The following EMC8 variants were observed in gnomAD, a reference collection of about 807,000 sequenced individuals.
EMC8 encodes ER membrane protein complex subunit 8, also known as COX4 neighbor.
Under a neutral mutation model 24.3 loss-of-function variants are expected in EMC8, and 11 were observed. The observed-to-expected ratio is 0.45, with a 90% CI of 0.28 to 0.75. EMC8 has a LOEUF of 0.75. Among genes scored for constraint, EMC8 ranks in the 30% least tolerant of loss-of-function variants. EMC8 has a pLI of 0.12. For synonymous variants in EMC8, 145 were observed against 117.7 expected (o/e 1.23, Z -1.50); for missense variants, 277 against 282.7 (o/e 0.98, Z 0.14).
At position 85,799,303 on chromosome 16, in the gene EMC8, C is replaced by T. The variant is rs761408632; in HGVS notation, c.-8G>A. ...CAGTTTCACCCCGGGCATGCTGACC[C>T]GGGAGGGCCCCGGAGGCCCCTGGGC... is the stretch of plus-strand genomic sequence containing the variant. On this transcript the variant is annotated 5_prime_UTR_variant, in exon 1 of 5. Coordinates refer to ENST00000253457, the MANE Select transcript of EMC8 (RefSeq NM_006067.5). The surrounding 1 kb of genome is among the most constrained non-coding windows in gnomAD (Gnocchi z 4.2). 2 of 1,584,582 alleles carry T rather than the reference C, an allele frequency of 1.3e-6. No individual in the cohort carries two copies. Among genetic ancestry groups the T allele is most frequent in the South Asian group, 1.1e-5 (1 of 89,406 alleles).
At position 85,799,236 on chromosome 16, in the gene EMC8, C is replaced by T. The variant is rs1017907291; in HGVS notation, c.60G>A (p.Lys20=). 5.6e-6 allele frequency: 9 copies of T among 1,613,114 alleles called. No homozygotes were observed. Among genetic ancestry groups the T allele is most frequent in the African/African-American group, 1.3e-5 (1 of 74,934 alleles). Reference sequence around the variant, plus strand: ...GCCCGTTGACGGCGCAGTGCGGGTACTTGGCGCCGTGCAGCACCATCTTGC... The same window carrying T: ...GCCCGTTGACGGCGCAGTGCGGGTATTTGGCGCCGTGCAGCACCATCTTGC... ...AYCKMVLHGA[K]YPHCAVNGLL... Residue 20 remains lysine, a synonymous_variant, in exon 1 of 5, where the codon AAG becomes AAA. Coordinates refer to ENST00000253457, the MANE Select transcript of EMC8 (RefSeq NM_006067.5). The surrounding 1 kb of genome is among the most constrained non-coding windows in gnomAD (Gnocchi z 4.2).
At chr16:85,795,170 T>G (rs1403304529) in intron 1 of EMC8, among the ~76,000 whole-genome samples, 1 of 152,152 alleles carries the variant, frequency 6.6e-6, no homozygotes, top group African/African-American at 2.4e-5. Flanking sequence ...CAAGGTTACT[T>G]AAGAATGAGA....
intron 2 of EMC8, chr16:85,785,028 GCC>G (rs1251553560): frequency 2.0e-5 from 3 of 152,212 alleles, no homozygotes; most frequent in African/African-American, 7.2e-5. Flanking sequence ...GCTCACTGCA[GCC>G]CCAACTGCCC....
chr16:85,781,539 C>T (rs896913557), intron 2 of EMC8: 4 of 402,654 alleles, frequency 9.9e-6, no homozygotes, highest in African/African-American at 2.0e-5. Flanking sequence ...CAAGCAATCC[C>T]ACCTCTGCCT....
intron 1 of EMC8, among the ~76,000 whole-genome samples, chr16:85,794,903 G>A (rs1342833486): frequency 1.3e-5 from 2 of 152,154 alleles, no homozygotes; most frequent in African/African-American, 2.4e-5. Flanking sequence ...TGCGGTGCCC[G>A]GTGCCCTCTC....
chr16:85,788,733 A>C (rs1046000756), intron 2 of EMC8, among the ~76,000 whole-genome samples: 1 of 152,204 alleles, frequency 6.6e-6, no homozygotes, highest in Admixed American at 6.5e-5. Context: ...TCATTGTATG[A>C]ATTCCCTTCA....
At position 85,780,209 on chromosome 16, in the gene EMC8, C is replaced by T. The variant is rs184080276; in HGVS notation, c.473+170G>A. On this transcript the variant is annotated intron_variant, in intron 4 of 4. Transcript: ENST00000253457. Reference sequence around the variant, plus strand: ...CCTGTGGGTACCACTGAGGTTCCCTCTACTGCCTGGAAGCGCTGGAACACT... The same window carrying T: ...CCTGTGGGTACCACTGAGGTTCCCTTTACTGCCTGGAAGCGCTGGAACACT... The T allele has an allele frequency of 2.4e-4, 149 of 630,884 alleles. 2 individuals are homozygous for T. The East Asian group carries it at 4.0e-3, about 17-fold the overall frequency. The allele number at this position is 630,884 out of a possible 1,614,324, so 39.1% of individuals were successfully genotyped here.
chr16:85,788,083 C>T (rs924686755), intron 2 of EMC8, among the ~76,000 whole-genome samples: 1 of 152,192 alleles, frequency 6.6e-6, no homozygotes, highest in African/African-American at 2.4e-5. Flanking sequence ...GGCAGCCTGA[C>T]GCATGCCCGT....
rs147407309 is a variant in EMC8 at position 85,793,718 on chromosome 16, G to A, written c.232-4668C>T. Among the ~76,000 whole-genome samples, 10 of 152,288 alleles carry A rather than the reference G, an allele frequency of 6.6e-5. No individual in the cohort carries two copies. The East Asian group carries it at 1.3e-3, about 21-fold the overall frequency. On this transcript the variant is annotated intron_variant, in intron 1 of 4. Transcript: ENST00000253457. Reference sequence around the variant, plus strand: ...GTGAGCAAGCCAGCAAGTCATCTGCGCAGAATGTAACAGAAAGCTACTCCA... The same window carrying A: ...GTGAGCAAGCCAGCAAGTCATCTGCACAGAATGTAACAGAAAGCTACTCCA...
chr16:85,787,951 T>C (rs867775895), intron 2 of EMC8, among the ~76,000 whole-genome samples: 20 of 152,212 alleles, frequency 1.3e-4, no homozygotes, highest in African/African-American at 4.3e-4. Flanking sequence ...CCAAAGTGCT[T>C]GAGCTCACCT....
chr16:85,789,501 A>T (rs186092146), intron 1 of EMC8, among the ~76,000 whole-genome samples: 145 of 152,296 alleles, frequency 9.5e-4, no homozygotes, highest in African/African-American at 3.3e-3. Flanking sequence ...TTTCAAAACA[A>T]GTCTTTTAGG....
At position 85,779,642 on chromosome 16, in the gene EMC8, T is replaced by G; in HGVS notation, c.*66A>C. 6.6e-7 allele frequency: 1 copy of G among 1,520,306 alleles called. No homozygotes were observed. Among genetic ancestry groups the G allele is most frequent in the Non-Finnish European group, 9.1e-7 (1 of 1,098,484 alleles). The allele number at this position is 1,520,306 out of a possible 1,614,324, so 94.2% of individuals were successfully genotyped here. A position where few individuals can be genotyped will look rare whatever the true frequency, so the allele number is the denominator to read the frequency against. ...CAGGCTACAAGATATTTTATTTACA[T>G]TTAAAAATAGGTTTTCTTCTTCAAC... On this transcript the variant is annotated 3_prime_UTR_variant, in exon 5 of 5. Coordinates refer to ENST00000253457, the MANE Select transcript of EMC8 (RefSeq NM_006067.5).
At chr16:85,798,798 T>C in intron 1 of EMC8, 1 of 427,350 alleles carries the variant, frequency 2.3e-6, no homozygotes, top group Non-Finnish European at 4.2e-6. Flanking sequence ...CAAAGGCTAC[T>C]GATTTCAGGA....
Position 85,799,121 on chromosome 16 carries a change from G to A in EMC8, c.175C>T (p.Pro59Ser). ...AGGGCCAGGGTGCCGTGGAAGAGGGGGATGCAGTCCACGAAGAGGGTGTGG... is the reference window on the plus strand; with the variant it reads ...AGGGCCAGGGTGCCGTGGAAGAGGGAGATGCAGTCCACGAAGAGGGTGTGG... ...AHHTLFVDCIPLFHGTLALAP... is the reference protein window; with the variant it reads ...AHHTLFVDCISLFHGTLALAP... Residue 59 changes from proline to serine, a missense_variant, in exon 1 of 5, where the codon CCC (proline) becomes TCC (serine). By Grantham distance (74) the Pro-to-Ser change is moderately conservative. Coordinates refer to ENST00000253457, the MANE Select transcript of EMC8 (RefSeq NM_006067.5). The surrounding 1 kb of genome is among the most constrained non-coding windows in gnomAD (Gnocchi z 4.2). The A allele has an allele frequency of 6.3e-7, 1 of 1,592,500 alleles. No individual in the cohort carries two copies. Among genetic ancestry groups the A allele is most frequent in the Non-Finnish European group, 8.5e-7 (1 of 1,169,818 alleles).
intron 4 of EMC8, 125 bp from the exon 5 acceptor site, chr16:85,779,992 A>G (rs1189952068): frequency 1.3e-6 from 1 of 753,748 alleles, no homozygotes; most frequent in African/African-American, 1.7e-5. Context: ...GTACTGAGAA[A>G]CATGTGCATT....
At chr16:85,790,736 C>G (rs1030824249) in intron 1 of EMC8, among the ~76,000 whole-genome samples, 6 of 152,150 alleles carry the variant, frequency 3.9e-5, no homozygotes, top group Admixed American at 3.9e-4. Flanking sequence ...TCCCTGCTCT[C>G]CAGTGTAGCC....
At chr16:85,786,443 C>T (rs978004850) in intron 2 of EMC8, among the ~76,000 whole-genome samples, 13 of 152,256 alleles carry the variant, frequency 8.5e-5, no homozygotes, top group Admixed American at 3.3e-4. Context: ...CCACCTTCTC[C>T]GGCTGGTTTC....
In EMC8 at chr16:85,780,460, T is replaced by G. The variant is rs763389454; in HGVS notation, c.392A>C (p.Lys131Thr). The G allele has an allele frequency of 2.5e-6, 4 of 1,613,876 alleles. No individual in the cohort carries two copies. The highest frequency in any genetic ancestry group is 3.4e-6 in the Non-Finnish European group (4 of 1,179,808). ...DTALIMVDNT[K>T]FTMDCVAPTI... ...AGGCGCTACGCAGTCCATCGTAAAC[T>G]TGGTGTTGTCTACCTGAGCACAAGG... Residue 131 changes from lysine (K) to threonine (T), a missense_variant, in exon 4 of 5, where the codon AAG becomes ACG. Lys to Thr is a moderately conservative substitution (Grantham distance 78). Coordinates refer to ENST00000253457, the MANE Select transcript of EMC8 (RefSeq NM_006067.5).
intron 1 of EMC8, among the ~76,000 whole-genome samples, chr16:85,793,282 C>G (rs966708596): frequency 1.3e-5 from 2 of 152,206 alleles, no homozygotes; most frequent in Non-Finnish European, 2.9e-5. Flanking sequence ...TTGCCACTTA[C>G]CAACAAGATG....
Sources: allele counts gnomAD v4.1 joint callset (sites outside exome capture counted in the v4.1 genomes callset), GRCh38; gene constraint gnomAD v4.1.1; non-coding constraint Gnocchi (gnomAD v3.1); transcripts MANE v1.5; gene names NCBI Gene and HGNC (gene_info 2026-07-23, HGNC 2026-07-21).